ACTN1: variants seen among roughly 807,000 people sequenced by gnomAD.
ACTN1 encodes the protein alpha-actinin-1.
ACTN1 carries 30 observed loss-of-function variants against 119.6 expected under a neutral mutation model. The observed-to-expected ratio is 0.25, with a 90% confidence interval of 0.19 to 0.34. ACTN1 has a LOEUF of 0.34. Ranked by LOEUF, ACTN1 falls within the 10% of genes least tolerant of loss-of-function variation. The pLI is 1.00. For missense variants in ACTN1, 764 were observed against 1,223.4 expected, an observed-to-expected ratio of 0.62 and a Z score of 5.60; for synonymous variants, 429 against 472.6, an observed-to-expected ratio of 0.91 and a Z score of 1.20.
Position 68,879,930 on chromosome 14 carries a change from T to C in ACTN1, c.2280+32A>G. 1 of 1,609,624 alleles carries C rather than the reference T, an allele frequency of 6.2e-7. No individual in the cohort carries two copies. The highest frequency in any genetic ancestry group is 8.5e-7 in the Non-Finnish European group (1 of 1,176,532). On this transcript the variant is annotated intron_variant, in intron 18 of 21. Transcript: ENST00000394419. The surrounding 1 kb of genome is among the most constrained non-coding windows in gnomAD (Gnocchi z 4.9). ...GGGCCCTGGGGCAGGGGTTGGGGGCTGCACTAAGAAAGCACAGGATGGGGC... is the reference window on the plus strand; with the variant it reads ...GGGCCCTGGGGCAGGGGTTGGGGGCCGCACTAAGAAAGCACAGGATGGGGC...
intron 1 of ACTN1, among the ~76,000 whole-genome samples, chr14:68,943,736 C>T (rs546143544): frequency 5.9e-5 from 9 of 151,688 alleles, no homozygotes; most frequent in East Asian, 5.8e-4. Flanking sequence ...ACGAGGCATG[C>T]GCCATCTCAG....
At chr14:68,921,945 G>A (rs2034672845) in intron 2 of ACTN1, among the ~76,000 whole-genome samples, 1 of 152,154 alleles carries the variant, frequency 6.6e-6, no homozygotes, top group African/African-American at 2.4e-5. Flanking sequence ...TAAAGGTAGA[G>A]GAGCTGGCTC....
rs2032533566 is a variant in ACTN1 at position 68,892,068 on chromosome 14, C to T, written c.1071G>A (p.Glu357=). The T allele has an allele frequency of 1.9e-6, 3 of 1,613,762 alleles. No homozygotes were observed. The change falls in exon 10 of 22, where the codon GAG becomes GAA. Residue 357 remains glutamate, a synonymous_variant. Coordinates refer to ENST00000394419, the MANE Select transcript of ACTN1 (RefSeq NM_001130004.2). The stretch of plus-strand genomic sequence containing the variant: ...CAGTGCTCACCGAGACCATCCTGCC[C>T]TCAGAGGGCATGAAGGCAGGCCGGT... ...LSNRPAFMPS[E]GRMVSDINNA...
Position 68,882,827 on chromosome 14 carries a change from G to A in ACTN1, c.1818+46C>T, listed in dbSNP as rs370990057. On this transcript the variant is annotated intron_variant, in intron 15 of 21. Transcript: ENST00000394419. The surrounding 1 kb of genome is among the most constrained non-coding windows in gnomAD (Gnocchi z 4.5). ...TCAATTAAAATGGACAAAAATCCCT[G>A]CCTTTATGAAACTTACAATGGCTCG... 7 of 1,591,964 alleles carry A rather than the reference G, an allele frequency of 4.4e-6. No homozygotes were observed. In the African/African-American group the frequency reaches 9.4e-5, roughly 21 times the overall value.
intron 8 of ACTN1, among the ~76,000 whole-genome samples, chr14:68,900,376 T>G (rs1440916029): frequency 6.6e-6 from 1 of 151,820 alleles, no homozygotes; most frequent in African/African-American, 2.4e-5. Context: ...GGCAGCCTGG[T>G]TGAGAAGCAT....
chr14:68,890,571 C>G (rs1021031560), intron 10 of ACTN1, among the ~76,000 whole-genome samples: 8 of 152,182 alleles, frequency 5.3e-5, no homozygotes, highest in African/African-American at 9.7e-5. Context: ...GGAAAGGGCC[C>G]CAGACTCTCC....
intron 3 of ACTN1, among the ~76,000 whole-genome samples, chr14:68,917,751 G>C (rs1339067898): frequency 6.6e-6 from 1 of 152,202 alleles, no homozygotes; most frequent in African/African-American, 2.4e-5. Context: ...GCAGGGAGAA[G>C]GTAAAGAACG....
At chr14:68,978,870 G>T in intron 1 of ACTN1, 82 bp downstream of exon 1, 1 of 994,282 alleles carries the variant, frequency 1.0e-6, no homozygotes, top group Non-Finnish European at 1.4e-6. Context: ...TCAGAGCCCG[G>T]AGCCGAGAGC....
chr14:68,894,460 G>C (rs2032731702), intron 8 of ACTN1, among the ~76,000 whole-genome samples: 1 of 152,196 alleles, frequency 6.6e-6, no homozygotes, highest in African/African-American at 2.4e-5. Context: ...GCAAAGGGAA[G>C]GAAAGGGGAC....
At chr14:68,904,865 G>GT in intron 6 of ACTN1, 129 bp from the exon 7 acceptor site, 1 of 688,636 alleles carries the variant, frequency 1.5e-6, no homozygotes. Context: ...CGATCCTCAG[G>GT]GGACAGCTCC....
chr14:68,909,937 T>C lies in ACTN1; in HGVS notation c.515+18A>G. The C allele has an allele frequency of 6.2e-7, 1 of 1,610,752 alleles. No individual in the cohort carries two copies. Among genetic ancestry groups the C allele is most frequent in the Non-Finnish European group, 8.5e-7 (1 of 1,177,264 alleles). ...GGCAGCCTGGTTCTGTGAGAGCCCC[T>C]CAGACCCCAGCACTCACCTTATGTG... On this transcript the variant is annotated intron_variant, in intron 5 of 21. Transcript: ENST00000394419. The surrounding 1 kb of genome is among the most constrained non-coding windows in gnomAD (Gnocchi z 4.1).
rs370695936 is a variant in ACTN1 at position 68,925,533 on chromosome 14, C to T, written c.220+25G>A. The T allele has an allele frequency of 4.4e-6, 7 of 1,589,300 alleles. No homozygotes were observed. The Admixed American group carries it at 5.1e-5, about 12-fold the overall frequency. On this transcript the variant is annotated intron_variant, in intron 2 of 21. Coordinates refer to ENST00000394419, the MANE Select transcript of ACTN1 (RefSeq NM_001130004.2). This position sits in a 1 kb window ranked among gnomAD's most constrained non-coding sequence, Gnocchi z 4.3. ...CAGGCAGCACCAATAGACAGTATCT[C>T]GTCCTGGGCCAGGTTCCGCCTCACC...
intron 1 of ACTN1, among the ~76,000 whole-genome samples, chr14:68,971,914 C>T (rs2036900499): frequency 6.6e-6 from 1 of 152,188 alleles, no homozygotes; most frequent in Non-Finnish European, 1.5e-5. Context: ...GGCTAGGTCA[C>T]CTTTCCCCAC....
chr14:68,958,915 T>A (rs2036438876), intron 1 of ACTN1, among the ~76,000 whole-genome samples: 1 of 152,174 alleles, frequency 6.6e-6, no homozygotes, highest in Non-Finnish European at 1.5e-5. Flanking sequence ...TCGACAGCCA[T>A]CCTTCTGGAA....
intron 6 of ACTN1, among the ~76,000 whole-genome samples, chr14:68,905,817 C>A (rs565825043): frequency 6.6e-6 from 1 of 152,000 alleles, no homozygotes; most frequent in Non-Finnish European, 1.5e-5. Flanking sequence ...CGTGGTGACA[C>A]CCCGTGTCTG....
chr14:68,958,903 C>T (rs981487338), intron 1 of ACTN1, among the ~76,000 whole-genome samples: 3 of 152,150 alleles, frequency 2.0e-5, no homozygotes, highest in Non-Finnish European at 2.9e-5. Context: ...ACAACTTTGG[C>T]CTCGACAGCC....
chr14:68,941,494 G>C (rs2035760867), intron 1 of ACTN1, among the ~76,000 whole-genome samples: 1 of 152,168 alleles, frequency 6.6e-6, no homozygotes, highest in Admixed American at 6.5e-5. Flanking sequence ...GGTTCAATAT[G>C]GGTCTGCCAC....
At chr14:68,915,841 AC>A (rs2034261198) in intron 3 of ACTN1, among the ~76,000 whole-genome samples, 1 of 152,140 alleles carries the variant, frequency 6.6e-6, no homozygotes, top group South Asian at 2.1e-4. Context: ...ACATGGCGAA[AC>A]CCCGTCTCCA....
At chr14:68,920,614 G>A (rs899479968) in intron 3 of ACTN1, among the ~76,000 whole-genome samples, 5 of 152,120 alleles carry the variant, frequency 3.3e-5, no homozygotes, top group African/African-American at 9.7e-5. Context: ...GGGGAGTCTC[G>A]GGGCAGCCTC....
Sources: allele counts gnomAD v4.1 joint callset (sites outside exome capture counted in the v4.1 genomes callset), GRCh38; gene constraint gnomAD v4.1.1; non-coding constraint Gnocchi (gnomAD v3.1); transcripts MANE v1.5; gene names NCBI Gene and HGNC (gene_info 2026-07-23, HGNC 2026-07-21).